The following ADD3 variants were observed in gnomAD, a reference collection of about 807,000 sequenced individuals.
ADD3 encodes the protein adducin 3.
Under a neutral mutation model 80.2 loss-of-function variants are expected in ADD3, and 25 were observed. The observed-to-expected ratio is 0.31, with a 90% CI of 0.23 to 0.44. The LOEUF (loss-of-function observed/expected upper bound fraction) is 0.44, where lower values mean the gene tolerates loss of function less well. Ranked by LOEUF, ADD3 falls within the 20% of genes least tolerant of loss-of-function variation. ADD3 has a pLI of 1.00. For missense variants in ADD3, 829 were observed against 847.5 expected (o/e 0.98, Z 0.27); for synonymous variants, 284 against 289.6 (o/e 0.98, Z 0.20).
intron 1 of ADD3, among the ~76,000 whole-genome samples, chr10:110,087,133 A>G (rs1846880235): frequency 6.6e-6 from 1 of 152,024 alleles, no homozygotes; most frequent in Non-Finnish European, 1.5e-5. Flanking sequence ...GGTTCCAGCA[A>G]TTCTCCTGCC....
intron 9 of ADD3, 28 bp from the exon 10 acceptor site, chr10:110,123,989 C>G (rs780524012): frequency 6.2e-7 from 1 of 1,606,094 alleles, no homozygotes; most frequent in Admixed American, 1.7e-5. Flanking sequence ...AGGTTTGATG[C>G]TTCAAATGTG....
intron 1 of ADD3, among the ~76,000 whole-genome samples, chr10:110,043,447 TTTTAGGGTTAAC>T (rs1856589994): frequency 6.6e-6 from 1 of 152,226 alleles, no homozygotes; most frequent in South Asian, 2.1e-4. Context: ...GTTATTCCAT[TTTTAGGGTTAAC>T]TTAGCAGCCT....
intron 1 of ADD3, among the ~76,000 whole-genome samples, chr10:110,008,677 G>T (rs1218611804): frequency 1.3e-5 from 2 of 152,198 alleles, no homozygotes; most frequent in Non-Finnish European, 1.5e-5. Flanking sequence ...GGGACCTTAA[G>T]CCCTGAAGGT....
chr10:110,118,646 C>T lies in ADD3; in HGVS notation c.627C>T (p.Asp209=). 1 of 1,613,542 alleles carries T rather than the reference C, an allele frequency of 6.2e-7. No homozygotes were observed. Residue 209 remains aspartate (D), a synonymous_variant, in exon 6 of 15, where the codon GAC becomes GAT. Transcript: ENST00000356080. ...AGGGAAGTACCAATTTGAAAATTGA[C>T]CATACAGGATTCAGTCCCCATGCTG... ...VDQGSTNLKI[D]HTGFSPHAAI... is the part of the protein sequence containing the mutation.
intron 1 of ADD3, among the ~76,000 whole-genome samples, chr10:110,054,613 T>G (rs1857931459): frequency 6.7e-6 from 1 of 149,348 alleles, no homozygotes; most frequent in South Asian, 2.1e-4. Flanking sequence ...TGGCAAAATT[T>G]CTTTTTTTTT....
intron 1 of ADD3, among the ~76,000 whole-genome samples, chr10:110,086,906 A>G (rs144454891): frequency 2.6e-5 from 4 of 152,370 alleles, no homozygotes; most frequent in African/African-American, 9.6e-5. Flanking sequence ...CAAGGGTCCC[A>G]GAGCCTGGCA....
At chr10:110,077,766 AT>A (rs372136124) in intron 1 of ADD3, among the ~76,000 whole-genome samples, 2,522 of 103,944 alleles carry the variant, frequency 0.024, 33 homozygotes, top group Admixed American at 0.048. Flanking sequence ...ATGTTCAGCA[AT>A]TTTTTTTTTC....
rs368541274 is a variant in ADD3, at chr10:110,118,686, C to A, written c.667C>A (p.Arg223Ser). 2 of 1,614,006 alleles carry A rather than the reference C, an allele frequency of 1.2e-6. No individual in the cohort carries two copies. The highest frequency in any genetic ancestry group is 2.7e-5 in the African/African-American group (2 of 74,944). Residue 223 changes from arginine to serine, a missense_variant, in exon 6 of 15, where the codon CGT (arginine) becomes AGT (serine). By Grantham distance (110) the Arg-to-Ser change is moderately radical. Transcript: ENST00000356080. ...TCCCCATGCTGCAATCTATTCAACA[C>A]GTCCTGATGTTAAGTGTGTGATACA... ...FSPHAAIYST[R>S]PDVKCVIHIH...
chr10:110,063,751 A>ATATAT (rs1554926981), intron 1 of ADD3, among the ~76,000 whole-genome samples: 1 of 49,396 alleles, frequency 2.0e-5, no homozygotes, highest in African/African-American at 6.9e-5. Flanking sequence ...ATATATATAT[A>ATATAT]TATATATATA....
In ADD3 at chr10:110,133,789, C is replaced by G; in HGVS notation, c.*171C>G. The G allele has an allele frequency of 3.9e-6, 2 of 509,842 alleles. No homozygotes were observed. The highest frequency in any genetic ancestry group is 6.6e-6 in the Non-Finnish European group (2 of 303,556). The allele number at this position is 509,842 out of a possible 1,614,324, so 31.6% of individuals were successfully genotyped here. The stretch of plus-strand genomic sequence containing the variant: ...AAGAAAAACTTTCAGATTCATCTCT[C>G]ATTTTATATGTCCAGAAATGGCTTT... On this transcript the variant is annotated 3_prime_UTR_variant, in exon 15 of 15. Coordinates refer to ENST00000356080, the MANE Select transcript of ADD3 (RefSeq NM_016824.5).
In ADD3 at chr10:110,127,928, C is replaced by T. The variant is rs140529851; in HGVS notation, c.1608+1425C>T. On this transcript the variant is annotated intron_variant, in intron 12 of 14. Transcript: ENST00000356080. ...TGCCTTTATTCTATCTTCAAATGTG[C>T]ATATAATGGATATAGAATAGTTTAG... 4.7e-3 allele frequency among the ~76,000 whole-genome samples: 720 copies of T among 152,052 alleles called. 3 individuals carry two copies. Among genetic ancestry groups the T allele is most frequent in the Non-Finnish European group, 7.6e-3 (518 of 68,002 alleles).
chr10:110,005,737 T>C (rs1029184932), upstream of ADD3: 2 of 152,184 alleles, frequency 1.3e-5, no homozygotes, highest in East Asian at 1.9e-4. Context: ...ACTAAAATCA[T>C]TGCCTCCATT....
intron 1 of ADD3, among the ~76,000 whole-genome samples, chr10:110,016,848 G>A (rs1309950513): frequency 6.6e-6 from 1 of 152,126 alleles, no homozygotes; most frequent in East Asian, 1.9e-4. Context: ...GGAGGTAGTA[G>A]AACTAGTTAC....
chr10:110,120,662 A>G lies in ADD3; in HGVS notation c.960+1098A>G, dbSNP rs536488539. Among the ~76,000 whole-genome samples, 3 of 152,296 alleles carry G rather than the reference A, an allele frequency of 2.0e-5. No individual in the cohort carries two copies. In the South Asian group the frequency reaches 6.2e-4, roughly 32 times the overall value. On this transcript the variant is annotated intron_variant, in intron 8 of 14. Coordinates refer to ENST00000356080, the MANE Select transcript of ADD3 (RefSeq NM_016824.5). ...AGGAATCGCCACACTGACTTCCACA[A>G]TGGTTGAACTAGAGAGCCCGCATCG...
In ADD3 at chr10:110,100,680, G is replaced by A. The variant is rs776523907; in HGVS notation, c.27G>A (p.Val9=). 17 of 1,611,572 alleles carry A rather than the reference G, an allele frequency of 1.1e-5. No individual in the cohort carries two copies. In the South Asian group the frequency reaches 1.9e-4, roughly 18 times the overall value. The change falls in exon 2 of 15, where the codon GTG becomes GTA. Residue 9 remains valine, a synonymous_variant. Transcript: ENST00000356080. The part of the protein sequence containing the change: MSSDASQG[V]ITTPPPPSMP... ...TGAGCTCAGATGCCAGCCAAGGCGTGATTACCACTCCTCCTCCTCCCAGCA... is the reference window on the plus strand; with the variant it reads ...TGAGCTCAGATGCCAGCCAAGGCGTAATTACCACTCCTCCTCCTCCCAGCA...
chr10:110,054,597 C>T (rs551776245), intron 1 of ADD3, among the ~76,000 whole-genome samples: 54 of 151,168 alleles, frequency 3.6e-4, no homozygotes, highest in African/African-American at 1.1e-3. Flanking sequence ...CACGCACCAC[C>T]ATGCCTGGCA....
At chr10:110,045,626 C>A (rs1856829573) in intron 1 of ADD3, among the ~76,000 whole-genome samples, 1 of 152,136 alleles carries the variant, frequency 6.6e-6, no homozygotes, top group South Asian at 2.1e-4. Context: ...AGAATAAAGT[C>A]ATGAATGCAG....
chr10:110,111,493 G>A (rs966985906), intron 2 of ADD3, among the ~76,000 whole-genome samples: 5 of 152,078 alleles, frequency 3.3e-5, no homozygotes, highest in Admixed American at 6.5e-5. Flanking sequence ...GAATAGAGGC[G>A]TTCTCTTAAT....
At position 110,124,246 on chromosome 10, in the gene ADD3, G is replaced by A. The variant is rs896215293; in HGVS notation, c.1373G>A (p.Gly458Glu). 4 of 1,614,156 alleles carry A rather than the reference G, an allele frequency of 2.5e-6. No homozygotes were observed. The highest frequency in any genetic ancestry group is 3.4e-6 in the Non-Finnish European group (4 of 1,179,982). Residue 458 changes from glycine to glutamate, a missense_variant, in exon 10 of 15, where the codon GGA becomes GAA. Coordinates refer to ENST00000356080, the MANE Select transcript of ADD3 (RefSeq NM_016824.5). ...AATGTGCCTGAGGAGTCTCGGAACG[G>A]AGAAACCAGTCCCCGAACCAAAATC... is the stretch of plus-strand genomic sequence containing the variant. ...KVNVPEESRN[G>E]ETSPRTKITW...
Sources: allele counts gnomAD v4.1 joint callset (sites outside exome capture counted in the v4.1 genomes callset), GRCh38; gene constraint gnomAD v4.1.1; transcripts MANE v1.5; gene names NCBI Gene and HGNC (gene_info 2026-07-23, HGNC 2026-07-21).